The following RAB11A variants were observed in gnomAD, a reference collection of about 807,000 sequenced individuals.
RAB11A encodes ras-related protein Rab-11A.
RAB11A carries 9 observed loss-of-function variants against 28.0 expected under a neutral mutation model. That is an observed-to-expected ratio of 0.32 (90% confidence interval 0.19 to 0.56). The LOEUF (loss-of-function observed/expected upper bound fraction) is 0.56, where lower values mean the gene tolerates loss of function less well. RAB11A is among the 20% of genes least tolerant of loss of function. The pLI is 0.91. For synonymous variants in RAB11A, 85 were observed against 88.2 expected (o/e 0.96, Z 0.20); for missense variants, 108 against 269.6 (o/e 0.40, Z 4.20).
In RAB11A at chr15:65,889,490, T is replaced by G. The variant is rs552498948; in HGVS notation, c.*1650T>G. ...TGTCAGATTACATTTTTCCTTTGAG[T>G]GCTTTGGGTGCAGCCGTGGAATCCT... On this transcript the variant is annotated 3_prime_UTR_variant, in exon 5 of 5. Transcript: ENST00000261890. 3.3e-5 allele frequency: 5 copies of G among 152,312 alleles called. No homozygotes were observed. The highest frequency in any genetic ancestry group is 1.2e-4 in the African/African-American group (5 of 41,562). 9.4% of individuals were successfully genotyped at this position (152,312 alleles called of 1,614,324 possible).
intron 4 of RAB11A, among the ~76,000 whole-genome samples, chr15:65,880,537 A>G (rs1245717997): frequency 2.6e-5 from 4 of 152,222 alleles, no homozygotes; most frequent in Non-Finnish European, 5.9e-5. Flanking sequence ...CATTGTTCTA[A>G]AAAGTCTATA....
At position 65,889,876 on chromosome 15, in the gene RAB11A, AG is replaced by A. The variant is rs1357907144; in HGVS notation, c.*2038del. 6.6e-6 allele frequency: 1 copy of A among 152,204 alleles called. No homozygotes were observed. Among genetic ancestry groups the A allele is most frequent in the African/African-American group, 2.4e-5 (1 of 41,442 alleles). The allele number at this position is 152,204 out of a possible 1,614,324, so 9.4% of individuals were successfully genotyped here. A position where few individuals can be genotyped will look rare whatever the true frequency, so the allele number is the denominator to read the frequency against. On this transcript the variant is annotated 3_prime_UTR_variant, in exon 5 of 5. Transcript: ENST00000261890. ...TCTTGGGAGAATTCCAGGAAATATT[AG>A]GTATTAGAAAATGACTTTGATTGCA...
chr15:65,890,374 C>G lies in RAB11A; in HGVS notation c.*2534C>G, dbSNP rs1222496016. 6.6e-6 allele frequency: 1 copy of G among 151,864 alleles called. No homozygotes were observed. The highest frequency in any genetic ancestry group is 3.2e-3 in the Middle Eastern group (1 of 316). 9.4% of individuals were successfully genotyped at this position (151,864 alleles called of 1,614,324 possible). A position where few individuals can be genotyped will look rare whatever the true frequency, so the allele number is the denominator to read the frequency against. ...GCCTGGCCTTGAATTTTTTTTTAAC[C>G]TGTTATATAGTCTCCTGAATAGTTA... On this transcript the variant is annotated 3_prime_UTR_variant, in exon 5 of 5. Coordinates refer to ENST00000261890, the MANE Select transcript of RAB11A (RefSeq NM_004663.5).
Position 65,889,566 on chromosome 15 carries a change from C to G in RAB11A, c.*1726C>G, listed in dbSNP as rs2078275155. On this transcript the variant is annotated 3_prime_UTR_variant, in exon 5 of 5. Transcript: ENST00000261890. Reference sequence around the variant, plus strand: ...TACTGAGTAAACATTGAATTGGGAGCATCAGTGTGTGAATTCAGCTTTGAT... The same window carrying G: ...TACTGAGTAAACATTGAATTGGGAGGATCAGTGTGTGAATTCAGCTTTGAT... 1 of 152,138 alleles carries G rather than the reference C, an allele frequency of 6.6e-6. No individual in the cohort carries two copies. Among genetic ancestry groups the G allele is most frequent in the African/African-American group, 2.4e-5 (1 of 41,412 alleles). The allele number at this position is 152,138 out of a possible 1,614,324, so 9.4% of individuals were successfully genotyped here.
chr15:65,883,347 A>T (rs1426257274), intron 4 of RAB11A, among the ~76,000 whole-genome samples: 6 of 152,170 alleles, frequency 3.9e-5, no homozygotes, highest in Admixed American at 3.9e-4. Flanking sequence ...GGTACAGTCC[A>T]GTTATTTTGT....
rs924213076 is a variant in RAB11A, at chr15:65,889,911, G to T, written c.*2071G>T. Reference sequence around the variant, plus strand: ...AAATGACTTTGATTGCATTTCAGCAGGTGTCTTTATTCTGAGTAGTATCTT... The same window carrying T: ...AAATGACTTTGATTGCATTTCAGCATGTGTCTTTATTCTGAGTAGTATCTT... On this transcript the variant is annotated 3_prime_UTR_variant, in exon 5 of 5. Transcript: ENST00000261890. 4.6e-5 allele frequency: 7 copies of T among 152,120 alleles called. No individual in the cohort carries two copies. Among genetic ancestry groups the T allele is most frequent in the African/African-American group, 1.7e-4 (7 of 41,400 alleles). 9.4% of individuals were successfully genotyped at this position (152,120 alleles called of 1,614,324 possible).
At chr15:65,871,749 A>C (rs1438106038) in intron 1 of RAB11A, among the ~76,000 whole-genome samples, 1 of 152,082 alleles carries the variant, frequency 6.6e-6, no homozygotes, top group Non-Finnish European at 1.5e-5. Context: ...TATTTACTTT[A>C]TGACCTTGGA....
chr15:65,869,888 C>A (rs1489450654), intron 1 of RAB11A: 3 of 348,544 alleles, frequency 8.6e-6, no homozygotes, highest in African/African-American at 6.3e-5. Context: ...CCCTGGCGGA[C>A]TGCCTTCTCC....
At position 65,891,915 on chromosome 15, in the gene RAB11A, G is replaced by C. The variant is rs200773082; in HGVS notation, c.*4075G>C. The C allele has an allele frequency of 6.6e-6, 1 of 152,082 alleles. No individual in the cohort carries two copies. Among genetic ancestry groups the C allele is most frequent in the East Asian group, 1.9e-4 (1 of 5,186 alleles). 9.4% of individuals were successfully genotyped at this position (152,082 alleles called of 1,614,324 possible). ...GAGAACTGCTTGTTTTATGGCTTTT[G>C]CTGTTAAAAAAAAACTGCTGGCTTT... On this transcript the variant is annotated 3_prime_UTR_variant, in exon 5 of 5. Transcript: ENST00000261890.
At chr15:65,875,019 G>T (rs1327565184) in intron 1 of RAB11A, among the ~76,000 whole-genome samples, 1 of 152,104 alleles carries the variant, frequency 6.6e-6, no homozygotes, top group East Asian at 1.9e-4. Flanking sequence ...TGGCACTCCA[G>T]CCTGGGCGAC....
chr15:65,871,920 T>G (rs1393263207), intron 1 of RAB11A, among the ~76,000 whole-genome samples: 3 of 54,126 alleles, frequency 5.5e-5, no homozygotes, highest in African/African-American at 1.8e-4. Context: ...GTTTTGTCAG[T>G]TTTTTTTTTT....
At chr15:65,885,073 G>A (rs1232546064) in intron 4 of RAB11A, among the ~76,000 whole-genome samples, 1 of 149,940 alleles carries the variant, frequency 6.7e-6, no homozygotes, top group Non-Finnish European at 1.5e-5. Context: ...AAAAAAAAAG[G>A]CATTCTCCTA....
At chr15:65,876,865 T>G (rs537884904) in intron 1 of RAB11A, among the ~76,000 whole-genome samples, 59 of 152,364 alleles carry the variant, frequency 3.9e-4, no homozygotes, top group Non-Finnish European at 5.9e-5. Context: ...TATATTCATT[T>G]TGTCCTTCCC....
intron 1 of RAB11A, chr15:65,869,888 C>T: frequency 2.9e-6 from 1 of 348,662 alleles, no homozygotes; most frequent in Non-Finnish European, 5.2e-6. Context: ...CCCTGGCGGA[C>T]TGCCTTCTCC....
intron 1 of RAB11A, chr15:65,870,139 C>G (rs2078149990): frequency 6.5e-6 from 1 of 152,868 alleles, no homozygotes; most frequent in Non-Finnish European, 1.5e-5. Flanking sequence ...TCTTCTGTAT[C>G]TCCCCTCCAC....
chr15:65,886,006 A>T (rs989035010), intron 4 of RAB11A, among the ~76,000 whole-genome samples: 7 of 152,234 alleles, frequency 4.6e-5, no homozygotes, highest in African/African-American at 1.7e-4. Context: ...AAGTGTGGTT[A>T]CATTCTTGAT....
intron 4 of RAB11A, among the ~76,000 whole-genome samples, chr15:65,880,597 T>C (rs1040063303): frequency 6.6e-6 from 1 of 152,218 alleles, no homozygotes; most frequent in Non-Finnish European, 1.5e-5. Flanking sequence ...TTTGATTTAT[T>C]GTTTGTATGC....
chr15:65,887,850 C>T lies in RAB11A; in HGVS notation c.*10C>T, dbSNP rs1440150091. On this transcript the variant is annotated 3_prime_UTR_variant, in exon 5 of 5. Coordinates refer to ENST00000261890, the MANE Select transcript of RAB11A (RefSeq NM_004663.5). Reference sequence around the variant, plus strand: ...CTGTCAGAACATCTAAGGCATTTCTCTTCTCCCCTAGAAGGCTGTGTATAG... The same window carrying T: ...CTGTCAGAACATCTAAGGCATTTCTTTTCTCCCCTAGAAGGCTGTGTATAG... The T allele has an allele frequency of 3.1e-6, 5 of 1,601,522 alleles. No homozygotes were observed. The highest frequency in any genetic ancestry group is 1.4e-5 in the African/African-American group (1 of 74,006).
chr15:65,885,419 C>T (rs2078250400), intron 4 of RAB11A, among the ~76,000 whole-genome samples: 1 of 152,182 alleles, frequency 6.6e-6, no homozygotes, highest in African/African-American at 2.4e-5. Flanking sequence ...AGCCACCTCG[C>T]TTGGCCCATT....
Sources: allele counts gnomAD v4.1 joint callset (sites outside exome capture counted in the v4.1 genomes callset), GRCh38; gene constraint gnomAD v4.1.1; transcripts MANE v1.5; gene names NCBI Gene and HGNC (gene_info 2026-07-23, HGNC 2026-07-21).